C12orf56: variants seen among roughly 807,000 people sequenced by gnomAD.
The protein encoded by C12orf56 is chromosome 12 open reading frame 56.
In C12orf56, 71 loss-of-function variants were observed where a neutral mutation model predicts 69.9. The observed-to-expected ratio is 1.02, with a 90% CI of 0.84 to 1.24. C12orf56 has a LOEUF of 1.24. C12orf56 is among the 50% of genes most tolerant of loss of function. C12orf56 has a pLI of 0.00. For synonymous variants in C12orf56, 276 were observed against 274.1 expected (o/e 1.01, Z -0.07); for missense variants, 732 against 738.5 (o/e 0.99, Z 0.10).
At chr12:64,293,602 A>G (rs10784399) in intron 6 of C12orf56, among the ~76,000 whole-genome samples, 144,164 of 152,296 alleles carry the variant, frequency 0.95, 68,714 homozygotes, top group East Asian at 1. Context: ...TTAGCACATA[A>G]CACATAGCAC....
chr12:64,385,992 T>A (rs1592509492), intron 1 of C12orf56, among the ~76,000 whole-genome samples: 1 of 151,998 alleles, frequency 6.6e-6, no homozygotes, highest in East Asian at 1.9e-4. Context: ...CAAGACCCCA[T>A]CTCTATAAAT....
At position 64,266,597 on chromosome 12, in the gene C12orf56, C is replaced by A. The variant is rs2037921888; in HGVS notation, c.*586G>T. ...ACATAGTGGACTCCAAGAACCTAGT[C>A]GAAATAATGGTTTTTGGATGGCTCT... On this transcript the variant is annotated 3_prime_UTR_variant, in exon 13 of 13. Transcript: ENST00000543942. The A allele has an allele frequency of 2.3e-6, 1 of 429,860 alleles. No individual in the cohort carries two copies. The highest frequency in any genetic ancestry group is 7.4e-5 in the South Asian group (1 of 13,424). 26.6% of individuals were successfully genotyped at this position (429,860 alleles called of 1,614,324 possible).
chr12:64,308,947 G>GA (rs1360964376), intron 5 of C12orf56, among the ~76,000 whole-genome samples: 14 of 67,764 alleles, frequency 2.1e-4, no homozygotes, highest in African/African-American at 7.4e-4. Context: ...AAAGAAGAAA[G>GA]AAAGAAAGAA....
chr12:64,375,018 T>C (rs1439687517), intron 1 of C12orf56, among the ~76,000 whole-genome samples: 1 of 152,074 alleles, frequency 6.6e-6, no homozygotes, highest in Non-Finnish European at 1.5e-5. Flanking sequence ...TGTTTCTTGC[T>C]TTTTTTGCTA....
At chr12:64,277,594 T>A in intron 9 of C12orf56, 86 bp downstream of exon 9, 2 of 884,366 alleles carry the variant, frequency 2.3e-6, no homozygotes, top group Non-Finnish European at 3.0e-6. Flanking sequence ...TTCTCTATTC[T>A]ACGGTGTCAT....
chr12:64,281,540 C>A (rs943755917), intron 8 of C12orf56, among the ~76,000 whole-genome samples: 1 of 152,054 alleles, frequency 6.6e-6, no homozygotes, highest in African/African-American at 2.4e-5. Context: ...CCATTGCACT[C>A]CAGCCTGGGT....
chr12:64,295,610 G>A (rs2038355144), intron 6 of C12orf56, among the ~76,000 whole-genome samples: 1 of 152,070 alleles, frequency 6.6e-6, no homozygotes, highest in Non-Finnish European at 1.5e-5. Context: ...GGCGGAGATT[G>A]CAGTGAGCGG....
intron 9 of C12orf56, among the ~76,000 whole-genome samples, chr12:64,276,012 C>T (rs982103552): frequency 2.1e-5 from 3 of 144,458 alleles, no homozygotes; most frequent in South Asian, 2.3e-4. Flanking sequence ...CCCCCCCCCG[C>T]GAGTTGAGGT....
At chr12:64,364,100 C>T (rs1458296107) in intron 1 of C12orf56, among the ~76,000 whole-genome samples, 1 of 151,610 alleles carries the variant, frequency 6.6e-6, no homozygotes, top group Non-Finnish European at 1.5e-5. Flanking sequence ...ATCACTTGAA[C>T]CCAGGAGTTC....
At chr12:64,371,793 G>A (rs374345782) in intron 1 of C12orf56, among the ~76,000 whole-genome samples, 55 of 151,972 alleles carry the variant, frequency 3.6e-4, no homozygotes, top group African/African-American at 1.2e-3. Flanking sequence ...TCATGCCATT[G>A]CACTCCAGCC....
In C12orf56 at chr12:64,308,776, G is replaced by A. The variant is rs796893129; in HGVS notation, c.968+3903C>T. ...GAGAATTGCTTGAACCCGGGTGGTG[G>A]AGGTTGCAGTGAGCCGAGATGGTGC... is the stretch of plus-strand genomic sequence containing the variant. On this transcript the variant is annotated intron_variant, in intron 5 of 12. Coordinates refer to ENST00000543942, the MANE Select transcript of C12orf56 (RefSeq NM_001170633.2). Among the ~76,000 whole-genome samples, 56 of 151,172 alleles carry A rather than the reference G, an allele frequency of 3.7e-4. 1 individual carries two copies. Among genetic ancestry groups the A allele is most frequent in the African/African-American group, 1.3e-3 (55 of 41,124 alleles).
At chr12:64,388,934 A>G (rs555797690) in intron 1 of C12orf56, 44 of 152,372 alleles carry the variant, frequency 2.9e-4, no homozygotes, top group Admixed American at 1.6e-3. Context: ...CTTTTCCTCA[A>G]CAAAGAAAAT....
At chr12:64,382,755 C>T (rs547217877) in intron 1 of C12orf56, among the ~76,000 whole-genome samples, 3 of 151,968 alleles carry the variant, frequency 2.0e-5, no homozygotes, top group Admixed American at 1.3e-4. Context: ...TGCCTGTAGT[C>T]CTAGCTACTC....
intron 11 of C12orf56, among the ~76,000 whole-genome samples, chr12:64,272,325 T>C (rs5015811): frequency 0.7 from 106,876 of 151,932 alleles, 38,778 homozygotes; most frequent in Non-Finnish European, 0.8. Context: ...GCTAACATGG[T>C]GAAACCCTGT....
Position 64,267,242 on chromosome 12 carries a change from A to G in C12orf56, c.1810T>C (p.Tyr604His), listed in dbSNP as rs1488426004. ...TGAATGGTAGGTTGAGTGATGGGGT[A>G]ACACAATGGGAGCCTTTTCTGCAAG... ...PALQKRLPLC[Y>H]PITQPTIQLF... Residue 604 changes from tyrosine to histidine, a missense_variant, in exon 13 of 13, where the codon TAC becomes CAC. By Grantham distance (83) the Tyr-to-His change is moderately conservative. Transcript: ENST00000543942. 1 of 1,612,724 alleles carries G rather than the reference A, an allele frequency of 6.2e-7. No homozygotes were observed. Among genetic ancestry groups the G allele is most frequent in the Admixed American group, 1.7e-5 (1 of 59,806 alleles).
intron 6 of C12orf56, among the ~76,000 whole-genome samples, chr12:64,298,521 G>A (rs11175328): frequency 0.19 from 29,496 of 152,100 alleles, 3,625 homozygotes; most frequent in Admixed American, 0.26. Flanking sequence ...TAGGTCTTAT[G>A]TTTAAGTCTT....
In C12orf56 at chr12:64,297,548, G is replaced by A. The variant is rs371595691; in HGVS notation, c.1113+6087C>T. 1.3e-4 allele frequency among the ~76,000 whole-genome samples: 20 copies of A among 152,092 alleles called. 1 individual carries two copies. Among genetic ancestry groups the A allele is most frequent in the African/African-American group, 3.6e-4 (15 of 41,492 alleles). ...TCCCTCCCCTATTCCCCCGTCCGCC[G>A]ACAGGCCCCAATGTGTGATGTTCCC... On this transcript the variant is annotated intron_variant, in intron 6 of 12. Transcript: ENST00000543942.
chr12:64,313,645 AT>A lies in C12orf56; in HGVS notation c.895-894del, dbSNP rs548939966. ...ACACATAAATTTATAGTATTTATAT[AT>A]TTTTATAATATATATTTAATCCTAA... On this transcript the variant is annotated intron_variant, in intron 4 of 12. Coordinates refer to ENST00000543942, the MANE Select transcript of C12orf56 (RefSeq NM_001170633.2). 3.2e-3 allele frequency among the ~76,000 whole-genome samples: 487 copies of A among 151,334 alleles called. 1 individual carries two copies. The highest frequency in any genetic ancestry group is 0.011 in the African/African-American group (461 of 41,412).
At chr12:64,364,016 T>TA (rs146752669) in intron 1 of C12orf56, among the ~76,000 whole-genome samples, 7 of 151,120 alleles carry the variant, frequency 4.6e-5, no homozygotes, top group African/African-American at 1.7e-4. Flanking sequence ...TTTTTTTTTT[T>TA]AAAAAAGAGT....
Sources: allele counts gnomAD v4.1 joint callset (sites outside exome capture counted in the v4.1 genomes callset), GRCh38; gene constraint gnomAD v4.1.1; transcripts MANE v1.5; gene names NCBI Gene and HGNC (gene_info 2026-07-23, HGNC 2026-07-21).